KCTD8: variants seen among roughly 807,000 people sequenced by gnomAD.
The protein encoded by KCTD8 is potassium channel tetramerization domain containing 8, also known as BTB/POZ domain-containing protein KCTD8.
Under a neutral mutation model 31.5 loss-of-function variants are expected in KCTD8, and 27 were observed. That is an observed-to-expected ratio of 0.86 (90% CI 0.63 to 1.18). The LOEUF is 1.18. KCTD8 is among the 50% of genes most tolerant of loss of function. The pLI is 0.00. For missense variants in KCTD8, 658 were observed against 647.7 expected, an observed-to-expected ratio of 1.02 and a Z score of -0.17; for synonymous variants, 290 against 280.0, an observed-to-expected ratio of 1.04 and a Z score of -0.36.
intron 1 of KCTD8, among the ~76,000 whole-genome samples, chr4:44,254,098 G>T (rs1237667467): frequency 6.6e-6 from 1 of 151,846 alleles, no homozygotes; most frequent in Non-Finnish European, 1.5e-5. Flanking sequence ...CTGTGGATTT[G>T]GCTAAGAAGA....
chr4:44,342,512 G>A (rs1282979211), intron 1 of KCTD8, among the ~76,000 whole-genome samples: 2 of 152,068 alleles, frequency 1.3e-5, no homozygotes, highest in East Asian at 1.9e-4. Context: ...CACACGTCAA[G>A]TATATTTAGC....
At chr4:44,267,346 T>G (rs369111328) in intron 1 of KCTD8, among the ~76,000 whole-genome samples, 1 of 152,040 alleles carries the variant, frequency 6.6e-6, no homozygotes, top group Non-Finnish European at 1.5e-5. Flanking sequence ...TTGAAACCAA[T>G]GAGAACAAAG....
chr4:44,349,431 T>C (rs769143748), intron 1 of KCTD8, among the ~76,000 whole-genome samples: 1 of 152,166 alleles, frequency 6.6e-6, no homozygotes, highest in Admixed American at 6.6e-5. Flanking sequence ...CCCATTGCAA[T>C]TGTCCAACAT....
intron 1 of KCTD8, among the ~76,000 whole-genome samples, chr4:44,439,354 A>G (rs1721758910): frequency 6.6e-6 from 1 of 152,126 alleles, no homozygotes; most frequent in Non-Finnish European, 1.5e-5. Context: ...TTTTTCCCCG[A>G]TAAAAGCAGG....
chr4:44,250,139 A>G (rs891195088), intron 1 of KCTD8, among the ~76,000 whole-genome samples: 4 of 151,810 alleles, frequency 2.6e-5, no homozygotes, highest in African/African-American at 9.7e-5. Context: ...AAGATTATAC[A>G]TGTTCATGGG....
At chr4:44,252,867 C>T (rs1715882073) in intron 1 of KCTD8, among the ~76,000 whole-genome samples, 1 of 151,678 alleles carries the variant, frequency 6.6e-6, no homozygotes, top group South Asian at 2.1e-4. Flanking sequence ...AGAGGCACTT[C>T]CTTACTTTTT....
intron 1 of KCTD8, among the ~76,000 whole-genome samples, chr4:44,226,063 T>G (rs771071021): frequency 5.3e-5 from 8 of 152,000 alleles, no homozygotes; most frequent in Non-Finnish European, 1.2e-4. Flanking sequence ...CTCCGGACCT[T>G]GTGATCCGCC....
intron 1 of KCTD8, among the ~76,000 whole-genome samples, chr4:44,394,025 T>C (rs550565873): frequency 2.6e-5 from 4 of 152,198 alleles, no homozygotes; most frequent in African/African-American, 4.8e-5. Flanking sequence ...ATATAAGCAT[T>C]CATTCTGTGT....
At chr4:44,333,774 T>A (rs2109413930) in intron 1 of KCTD8, among the ~76,000 whole-genome samples, 1 of 152,114 alleles carries the variant, frequency 6.6e-6, no homozygotes. Flanking sequence ...TGGACACTCC[T>A]TGGAAAGAAA....
At chr4:44,350,565 C>CT (rs1719170239) in intron 1 of KCTD8, among the ~76,000 whole-genome samples, 1 of 152,110 alleles carries the variant, frequency 6.6e-6, no homozygotes, top group Non-Finnish European at 1.5e-5. Flanking sequence ...TTTAATTTAA[C>CT]ATCAGTTGGC....
intron 1 of KCTD8, among the ~76,000 whole-genome samples, chr4:44,372,478 GA>G (rs1439899822): frequency 6.6e-6 from 1 of 152,226 alleles, no homozygotes; most frequent in Non-Finnish European, 1.5e-5. Context: ...CCTTATAGAG[GA>G]GGTGACAGAA....
At chr4:44,220,001 C>T (rs1714762905) in intron 1 of KCTD8, among the ~76,000 whole-genome samples, 1 of 152,058 alleles carries the variant, frequency 6.6e-6, no homozygotes, top group South Asian at 2.1e-4. Flanking sequence ...TTGAAGCATG[C>T]CCATTCTGTT....
At chr4:44,327,771 C>T (rs1330888775) in intron 1 of KCTD8, among the ~76,000 whole-genome samples, 1 of 151,698 alleles carries the variant, frequency 6.6e-6, no homozygotes, top group East Asian at 1.9e-4. Flanking sequence ...CTCGACAGCC[C>T]CATCTATTGA....
chr4:44,438,122 G>T (rs1216744241), intron 1 of KCTD8, among the ~76,000 whole-genome samples: 1 of 152,110 alleles, frequency 6.6e-6, no homozygotes, highest in Non-Finnish European at 1.5e-5. Flanking sequence ...GAATATTGGA[G>T]AATTATTTCT....
chr4:44,402,022 T>C (rs1332288535), intron 1 of KCTD8, among the ~76,000 whole-genome samples: 2 of 152,136 alleles, frequency 1.3e-5, no homozygotes, highest in African/African-American at 4.8e-5. Flanking sequence ...TTCAAGCTTG[T>C]ATATTATTTT....
intron 1 of KCTD8, among the ~76,000 whole-genome samples, chr4:44,312,353 G>A (rs886543932): frequency 6.6e-6 from 1 of 152,110 alleles, no homozygotes; most frequent in African/African-American, 2.4e-5. Flanking sequence ...GGGCATTCAA[G>A]CCAGGACTTG....
At chr4:44,296,887 A>C (rs1010308718) in intron 1 of KCTD8, among the ~76,000 whole-genome samples, 6 of 152,082 alleles carry the variant, frequency 3.9e-5, no homozygotes, top group African/African-American at 1.4e-4. Context: ...CACAGAGTCC[A>C]TGTTACGTGA....
rs534916687 is a variant in KCTD8 at position 44,315,609 on chromosome 4, G to T, written c.961+131954C>A. On this transcript the variant is annotated intron_variant, in intron 1 of 1. Coordinates refer to ENST00000360029, the MANE Select transcript of KCTD8 (RefSeq NM_198353.3). ...TAGGGTAGTATCTTTTTATTTTCTG[G>T]AAAACTCCCTAAAATGATTGTTTTC... Among the ~76,000 whole-genome samples, 9 of 151,910 alleles carry T rather than the reference G, an allele frequency of 5.9e-5. No individual in the cohort carries two copies. In the East Asian group the frequency reaches 1.7e-3, roughly 29 times the overall value.
intron 1 of KCTD8, among the ~76,000 whole-genome samples, chr4:44,283,627 T>A (rs1324722156): frequency 6.6e-6 from 1 of 152,136 alleles, no homozygotes; most frequent in South Asian, 2.1e-4. Flanking sequence ...GTTTACAGCA[T>A]GGTTTACTAT....
Sources: gnomAD v4.1 joint callset for allele counts (sites outside exome capture counted in the v4.1 genomes callset) on GRCh38, gnomAD v4.1.1 for gene constraint, MANE v1.5 for transcripts, NCBI Gene and HGNC (gene_info 2026-07-23, HGNC 2026-07-21) for gene names.